Variants in NDUFC1 observed in about 807,000 individuals in gnomAD.
The protein encoded by NDUFC1 is NADH:ubiquinone oxidoreductase subunit C1.
NDUFC1 carries 11 observed loss-of-function variants against 11.6 expected under a neutral mutation model. The ratio of observed to expected loss-of-function variants is 0.95; its 90% CI spans 0.60 to 1.58. The LOEUF is 1.58. Among genes scored for constraint, NDUFC1 ranks in the 40% most tolerant of loss-of-function variants. NDUFC1 has a pLI of 0.00. For synonymous variants in NDUFC1, 52 were observed against 42.2 expected, an observed-to-expected ratio of 1.23 and a Z score of -0.90; for missense variants, 112 against 93.0, an observed-to-expected ratio of 1.20 and a Z score of -0.84.
chr4:139,295,227 G>GC, intron 3 of NDUFC1, 81 bp from the exon 4 acceptor site: 1 of 1,071,170 alleles, frequency 9.3e-7, no homozygotes, highest in Non-Finnish European at 1.4e-6. Context: ...GCGTATTATC[G>GC]CATTTAATTC....
At position 139,295,786 on chromosome 4, in the gene NDUFC1, C is replaced by G; in HGVS notation, c.13G>C (p.Ala5Pro). Residue 5 changes from alanine (A) to proline (P), a missense_variant, in exon 3 of 6, where the codon GCC (alanine) becomes CCC (proline). Ala to Pro is a conservative substitution (Grantham distance 27, BLOSUM62 -1). Coordinates refer to ENST00000394223, the MANE Select transcript of NDUFC1 (RefSeq NM_001184989.2). MAPS[A>P]LLRPLSRLLA... ...AGCCGGGAAAGGGGACGCAGCAAGG[C>G]GGACGGCGCCATCTTGCGTGGCCCA... The G allele has an allele frequency of 6.5e-7, 1 of 1,546,104 alleles. No individual in the cohort carries two copies. Among genetic ancestry groups the G allele is most frequent in the Non-Finnish European group, 8.7e-7 (1 of 1,146,574 alleles).
chr4:139,301,520 T>A (rs961245866), intron 1 of NDUFC1: 9 of 494,870 alleles, frequency 1.8e-5, no homozygotes, highest in East Asian at 3.4e-5. Flanking sequence ...CCTCTGTCGG[T>A]CTGTTCAGTT....
At chr4:139,302,526 C>T (rs917568578), upstream of NDUFC1, 2 of 152,182 alleles carry the variant, frequency 1.3e-5, no homozygotes, top group South Asian at 2.1e-4. Flanking sequence ...GGGAAACAGC[C>T]CCACCCCGTC....
At chr4:139,291,358 C>T (rs574862114) in intron 5 of NDUFC1, among the ~76,000 whole-genome samples, 29 of 151,868 alleles carry the variant, frequency 1.9e-4, no homozygotes, top group South Asian at 1.0e-3. Context: ...GGGCAGATCA[C>T]GAGGTCAAGA....
At position 139,295,964 on chromosome 4, in the gene NDUFC1, T is replaced by C; in HGVS notation, c.-162-4A>G. ...CACCCCGGCCTCAGCCTTCTGTCTA[T>C]ACAGTGGAATTAGGAAGAAAATAAT... On this transcript the variant is annotated splice_polypyrimidine_tract_variant and splice_region_variant and intron_variant, in intron 2 of 5. Coordinates refer to ENST00000394223, the MANE Select transcript of NDUFC1 (RefSeq NM_001184989.2). 1 of 601,842 alleles carries C rather than the reference T, an allele frequency of 1.7e-6. No homozygotes were observed. The highest frequency in any genetic ancestry group is 2.8e-6 in the Non-Finnish European group (1 of 353,238). The allele number at this position is 601,842 out of a possible 1,614,324, so 37.3% of individuals were successfully genotyped here.
Position 139,295,046 on chromosome 4 carries a change from G to A in NDUFC1, c.168C>T (p.Ile56=). Residue 56 remains isoleucine, a synonymous_variant, in exon 4 of 6, where the codon ATC becomes ATT. Transcript: ENST00000394223. ...CATCCGGGAGTAAAGTACTTACATA[G>A]ATCCACAAGAAGACAGTGGTGCCCA... ...FTLGTTVFLW[I]YLIKQHNEDI... The A allele has an allele frequency of 6.2e-7, 1 of 1,613,200 alleles. No homozygotes were observed. Among genetic ancestry groups the A allele is most frequent in the African/African-American group, 1.3e-5 (1 of 74,988 alleles).
intron 1 of NDUFC1, among the ~76,000 whole-genome samples, chr4:139,298,832 C>T (rs1053412471): frequency 6.6e-6 from 1 of 152,026 alleles, no homozygotes; most frequent in Non-Finnish European, 1.5e-5. Flanking sequence ...CAGCACCACA[C>T]CTGGCAAATT....
chr4:139,299,648 G>C (rs1365758389), intron 1 of NDUFC1, among the ~76,000 whole-genome samples: 1 of 152,178 alleles, frequency 6.6e-6, no homozygotes, highest in Non-Finnish European at 1.5e-5. Context: ...CTACTGTGTG[G>C]TCAGACTGTT....
intron 1 of NDUFC1, chr4:139,301,301 C>CGT (rs969167663): frequency 6.2e-5 from 24 of 387,888 alleles, no homozygotes; most frequent in African/African-American, 4.1e-4. Context: ...CCTAGCCTCC[C>CGT]GTAGCTCCGC....
Position 139,295,777 on chromosome 4 carries a change from G to A in NDUFC1, c.22C>T (p.Arg8Cys). The part of the protein sequence containing the change: MAPSALL[R>C]PLSRLLAPAR... Reference sequence around the variant, plus strand: ...GGGGCCAGCAGCCGGGAAAGGGGACGCAGCAAGGCGGACGGCGCCATCTTG... The same window carrying A: ...GGGGCCAGCAGCCGGGAAAGGGGACACAGCAAGGCGGACGGCGCCATCTTG... The change falls in exon 3 of 6, where the codon CGT (arginine) becomes TGT (cysteine). Residue 8 changes from arginine to cysteine, a missense_variant. Transcript: ENST00000394223. 1.9e-6 allele frequency: 3 copies of A among 1,549,438 alleles called. No homozygotes were observed. The highest frequency in any genetic ancestry group is 2.6e-6 in the Non-Finnish European group (3 of 1,148,380).
At chr4:139,299,379 T>TA (rs1745609800) in intron 1 of NDUFC1, among the ~76,000 whole-genome samples, 1 of 152,172 alleles carries the variant, frequency 6.6e-6, no homozygotes, top group Admixed American at 6.5e-5. Context: ...TTTGTAGAAT[T>TA]AAAGTTTGCA....
At chr4:139,301,361 G>A (rs1278822715) in intron 1 of NDUFC1, 3 of 414,656 alleles carry the variant, frequency 7.2e-6, no homozygotes, top group Non-Finnish European at 8.5e-6. Context: ...GGCCTGCCCC[G>A]ACCCTCCCGG....
At chr4:139,292,966 G>A (rs887600481) in intron 4 of NDUFC1, among the ~76,000 whole-genome samples, 3 of 151,880 alleles carry the variant, frequency 2.0e-5, no homozygotes, top group Non-Finnish European at 2.9e-5. Context: ...GATTACAGGC[G>A]CCTGCCACCA....
intron 1 of NDUFC1, chr4:139,301,486 C>T (rs1319094909): frequency 2.4e-5 from 11 of 454,660 alleles, no homozygotes; most frequent in African/African-American, 4.1e-5. Flanking sequence ...GTGGGAAAAC[C>T]CTCCGCGTCC....
In NDUFC1 at chr4:139,294,171, T is replaced by A. The variant is rs1214295038; in HGVS notation, c.171+872A>T. ...TGTTAGCCAGGATGGTCTGGATCTC[T>A]TGACCTCGTGATCCGCCCACCTTGG... On this transcript the variant is annotated intron_variant, in intron 4 of 5. Transcript: ENST00000394223. Among the ~76,000 whole-genome samples the A allele has an allele frequency of 2.6e-5, 4 of 151,904 alleles. No homozygotes were observed. In the South Asian group the frequency reaches 8.3e-4, roughly 32 times the overall value.
At chr4:139,300,991 G>C (rs1745693554) in intron 1 of NDUFC1, 2 of 152,212 alleles carry the variant, frequency 1.3e-5, no homozygotes, top group Admixed American at 6.5e-5. Context: ...CCATTTCATC[G>C]GTCAAGCTCT....
chr4:139,293,930 A>ATTTTTTTTTTTT lies in NDUFC1; in HGVS notation c.171+1101_171+1112dup, dbSNP rs775805536. Reference sequence around the variant, plus strand: ...TTTATGTGTAAAGCATGTGGTGTGAATTTTTTTTTTTTTTTTTTTTTTTTT... The same window carrying ATTTTTTTTTTTT: ...TTTATGTGTAAAGCATGTGGTGTGAATTTTTTTTTTTTTTTTTTTTTTTTTTTTTTTTTTTTT... On this transcript the variant is annotated intron_variant, in intron 4 of 5. Transcript: ENST00000394223. Among the ~76,000 whole-genome samples, 16 of 69,746 alleles carry ATTTTTTTTTTTT rather than the reference A, an allele frequency of 2.3e-4. 1 individual carries two copies. The highest frequency in any genetic ancestry group is 1.0e-3 in the African/African-American group (16 of 15,748). The allele number at this position is 69,746 out of a possible 152,430, so 45.8% of individuals were successfully genotyped here.
At chr4:139,298,314 C>T (rs1745551509) in intron 1 of NDUFC1, among the ~76,000 whole-genome samples, 1 of 151,614 alleles carries the variant, frequency 6.6e-6, no homozygotes, top group Non-Finnish European at 1.5e-5. Flanking sequence ...TGGTGCATGC[C>T]TGTAATTCCA....
intron 1 of NDUFC1, 178 bp downstream of exon 1, chr4:139,302,238 G>T: frequency 5.2e-6 from 1 of 191,722 alleles, no homozygotes; most frequent in Non-Finnish European, 1.1e-5. Context: ...GGAACAGGTG[G>T]TGCGGATGCA....
Sources: gnomAD v4.1 joint callset for allele counts (sites outside exome capture counted in the v4.1 genomes callset) on GRCh38, gnomAD v4.1.1 for gene constraint, MANE v1.5 for transcripts, NCBI Gene and HGNC (gene_info 2026-07-23, HGNC 2026-07-21) for gene names.